PTPRT: variants seen among roughly 807,000 people sequenced by gnomAD.
PTPRT encodes receptor-type tyrosine-protein phosphatase T.
Under a neutral mutation model 176.8 loss-of-function variants are expected in PTPRT, and 56 were observed. The observed-to-expected ratio is 0.32, with a 90% CI of 0.26 to 0.40. The LOEUF (loss-of-function observed/expected upper bound fraction) is 0.40. PTPRT is among the 10% of genes least tolerant of loss of function. PTPRT has a pLI of 1.00. For missense variants in PTPRT, 1,540 were observed against 1,908.2 expected, an observed-to-expected ratio of 0.81 and a Z score of 3.60; for synonymous variants, 783 against 739.0, an observed-to-expected ratio of 1.06 and a Z score of -0.96.
At chr20:42,865,792 G>A (rs996447525) in intron 2 of PTPRT, among the ~76,000 whole-genome samples, 2 of 152,098 alleles carry the variant, frequency 1.3e-5, no homozygotes, top group African/African-American at 2.4e-5. Context: ...TCTCCGCAGG[G>A]GAAAGAAGAA....
intron 13 of PTPRT, among the ~76,000 whole-genome samples, chr20:42,259,536 C>A (rs1204640351): frequency 6.6e-6 from 1 of 152,152 alleles, no homozygotes; most frequent in Non-Finnish European, 1.5e-5. Flanking sequence ...GCTGCCAAGA[C>A]CCAGCTGGGG....
At chr20:42,256,952 C>T (rs1398751389) in intron 13 of PTPRT, among the ~76,000 whole-genome samples, 1 of 152,160 alleles carries the variant, frequency 6.6e-6, no homozygotes, top group Non-Finnish European at 1.5e-5. Flanking sequence ...AAAGAAGGCT[C>T]CTCCCTTCCT....
chr20:43,183,356 C>T (rs1324924736), intron 1 of PTPRT, among the ~76,000 whole-genome samples: 1 of 152,134 alleles, frequency 6.6e-6, no homozygotes, highest in Non-Finnish European at 1.5e-5. Context: ...GGTATTATCT[C>T]CAGCTCTTGC....
chr20:43,163,211 GCA>G (rs2014747777), intron 1 of PTPRT, among the ~76,000 whole-genome samples: 1 of 152,216 alleles, frequency 6.6e-6, no homozygotes, highest in African/African-American at 2.4e-5. Context: ...ACAATGAAAT[GCA>G]CAGAGTGCTC....
chr20:43,023,828 C>G (rs1372118068), intron 1 of PTPRT, among the ~76,000 whole-genome samples: 1 of 152,140 alleles, frequency 6.6e-6, no homozygotes, highest in Non-Finnish European at 1.5e-5. Context: ...TTGGCCTCAC[C>G]CTTTACCCCA....
At position 43,127,292 on chromosome 20, in the gene PTPRT, G is replaced by A. The variant is rs115551038; in HGVS notation, c.88+62354C>T. On this transcript the variant is annotated intron_variant, in intron 1 of 30. Coordinates refer to ENST00000373187, the MANE Select transcript of PTPRT (RefSeq NM_007050.6). ...CAAAAAATTAGCCGGGCGTGGTGGT[G>A]GGCACCTGTAGTCCCAGCTACTCGG... is the stretch of plus-strand genomic sequence containing the variant. 6.2e-3 allele frequency among the ~76,000 whole-genome samples: 935 copies of A among 151,954 alleles called. 13 individuals are homozygous for A. The highest frequency in any genetic ancestry group is 0.021 in the African/African-American group (883 of 41,436).
chr20:42,600,772 T>G (rs2073766017), intron 7 of PTPRT, among the ~76,000 whole-genome samples: 1 of 152,198 alleles, frequency 6.6e-6, no homozygotes, highest in Non-Finnish European at 1.5e-5. Flanking sequence ...ACCATGTTGT[T>G]GCAAAATACA....
intron 9 of PTPRT, among the ~76,000 whole-genome samples, chr20:42,356,887 A>C (rs368650039): frequency 6.6e-6 from 1 of 152,148 alleles, no homozygotes; most frequent in Non-Finnish European, 1.5e-5. Flanking sequence ...TTTCTGCCAC[A>C]GGAACTTGCA....
chr20:42,046,795 G>T, the PTPRT span, among the ~76,000 whole-genome samples: 3 of 151,976 alleles, frequency 2.0e-5, no homozygotes, highest in African/African-American at 7.2e-5. Flanking sequence ...GTGTGTGTGT[G>T]TCTGTGTCTG....
At chr20:42,290,580 C>G (rs2057302099) in intron 12 of PTPRT, among the ~76,000 whole-genome samples, 2 of 152,088 alleles carry the variant, frequency 1.3e-5, no homozygotes, top group Non-Finnish European at 2.9e-5. Context: ...TGGCAGTACT[C>G]CTTTACTTTC....
intron 26 of PTPRT, 32 bp from the exon 27 acceptor site, chr20:42,098,584 T>C (rs941483187): frequency 5.6e-6 from 9 of 1,612,808 alleles, no homozygotes; most frequent in Non-Finnish European, 7.6e-6. Context: ...CTTCGTAAAT[T>C]ACACATCCAT....
intron 3 of PTPRT, among the ~76,000 whole-genome samples, chr20:42,781,724 C>A (rs1055554271): frequency 5.3e-5 from 8 of 152,200 alleles, no homozygotes; most frequent in Non-Finnish European, 1.2e-4. Context: ...CACTGCAAAA[C>A]TTTAACCTAA....
intron 9 of PTPRT, among the ~76,000 whole-genome samples, chr20:42,411,526 AAAAAAAAAAAAAAAG>A (rs1223564445): frequency 6.6e-6 from 1 of 150,484 alleles, no homozygotes; most frequent in Non-Finnish European, 1.5e-5. Flanking sequence ...TCAAAAAAAA[AAAAAAAAAAAAAAAG>A]AAAAAAGAAA....
At chr20:42,345,935 T>C (rs1392256656) in intron 11 of PTPRT, among the ~76,000 whole-genome samples, 1 of 152,106 alleles carries the variant, frequency 6.6e-6, no homozygotes, top group African/African-American at 2.4e-5. Context: ...CTTAATGCAA[T>C]GGAAAACCAA....
chr20:42,708,035 T>C (rs548034125), intron 6 of PTPRT, among the ~76,000 whole-genome samples: 1 of 152,330 alleles, frequency 6.6e-6, no homozygotes, highest in South Asian at 2.1e-4. Context: ...TAAAATTGTA[T>C]GCAATTATTA....
intron 14 of PTPRT, among the ~76,000 whole-genome samples, chr20:42,247,742 A>C (rs2056479099): frequency 6.6e-6 from 1 of 152,156 alleles, no homozygotes; most frequent in Non-Finnish European, 1.5e-5. Flanking sequence ...GTAGAGACTA[A>C]GGTTGGGGCC....
At chr20:42,687,442 C>T (rs3091553) in intron 6 of PTPRT, 21,747 of 152,322 alleles carry the variant, frequency 0.14, 2,221 homozygotes, top group African/African-American at 0.28. Flanking sequence ...CCGGCTCCCC[C>T]TTATCCCCCA....
chr20:42,355,097 G>A (rs141062232), intron 9 of PTPRT, among the ~76,000 whole-genome samples: 2 of 152,248 alleles, frequency 1.3e-5, no homozygotes, highest in East Asian at 3.9e-4. Flanking sequence ...CTCTGTTTGA[G>A]GACTTTCTCC....
intron 16 of PTPRT, among the ~76,000 whole-genome samples, chr20:42,173,257 A>T (rs1600630323): frequency 1.3e-5 from 2 of 152,060 alleles, no homozygotes; most frequent in African/African-American, 4.8e-5. Flanking sequence ...AGGAAAGGAG[A>T]CCTCTGTTCA....
Sources: allele counts gnomAD v4.1 joint callset (sites outside exome capture counted in the v4.1 genomes callset), GRCh38; gene constraint gnomAD v4.1.1; transcripts MANE v1.5; gene names NCBI Gene and HGNC (gene_info 2026-07-23, HGNC 2026-07-21).